Variants in NANS observed in about 807,000 individuals in gnomAD.
The protein encoded by NANS is N-acetylneuraminate-9-phosphate synthase.
NANS carries 29 observed loss-of-function variants against 33.3 expected under a neutral mutation model. That is an observed-to-expected ratio of 0.87 (90% CI 0.65 to 1.19). NANS has a LOEUF of 1.19. NANS is among the 50% of genes most tolerant of loss of function. The pLI, the probability that NANS is intolerant of heterozygous loss-of-function variation, is 0.00. For missense variants in NANS, 394 were observed against 461.1 expected, an observed-to-expected ratio of 0.85 and a Z score of 1.33; for synonymous variants, 163 against 177.2, an observed-to-expected ratio of 0.92 and a Z score of 0.64.
At chr9:98,081,356 C>CCATG in intron 5 of NANS, 1 of 473,424 alleles carries the variant, frequency 2.1e-6, no homozygotes, top group Non-Finnish European at 3.8e-6. Flanking sequence ...TCTCTGAAGC[C>CCATG]CATGGCCCCA....
At chr9:98,081,170 C>T in intron 5 of NANS, 88 bp downstream of exon 5, 1 of 1,540,394 alleles carries the variant, frequency 6.5e-7, no homozygotes, top group African/African-American at 1.4e-5. Context: ...GACCAGCCCT[C>T]CCTGAGCCAG....
In NANS at chr9:98,076,972, G is replaced by A; in HGVS notation, c.403G>A (p.Gly135Arg). The A allele has an allele frequency of 6.2e-7, 1 of 1,611,454 alleles. No individual in the cohort carries two copies. The highest frequency in any genetic ancestry group is 1.1e-5 in the South Asian group (1 of 90,090). The change falls in exon 3 of 6, where the codon GGA (glycine) becomes AGA (arginine). Residue 135 changes from glycine to arginine, a missense_variant. Physicochemically the swap from Gly to Arg is moderately radical, Grantham distance 125. Coordinates refer to ENST00000210444, the MANE Select transcript of NANS (RefSeq NM_018946.4). ...TGTTCCATTTTTCAAAGTTGGATCT[G>A]GAGACACTAATAATTTTCCTTATCT... ...LNVPFFKVGS[G>R]DTNNFPYLEK...
At chr9:98,082,218 A>G (rs144512600) in intron 5 of NANS, 1 of 152,240 alleles carries the variant, frequency 6.6e-6, no homozygotes, top group Non-Finnish European at 1.5e-5. Context: ...CCATCTGCAT[A>G]ACAGCCACAT....
chr9:98,060,727 C>G, intron 1 of NANS, 55 bp from the exon 2 acceptor site: 1 of 1,541,862 alleles, frequency 6.5e-7, no homozygotes, highest in South Asian at 1.1e-5. Context: ...AGAATTTTTT[C>G]CTTTTTTTGA....
chr9:98,059,948 GGATGTTCCTGTCCCTGA>G (rs1828929791), intron 1 of NANS, among the ~76,000 whole-genome samples: 1 of 152,144 alleles, frequency 6.6e-6, no homozygotes, highest in South Asian at 2.1e-4. Flanking sequence ...CACTGTCCCT[GGATGTTCCTGTCCCTGA>G]GAGGGCCTCA....
chr9:98,078,832 G>GT, intron 4 of NANS, among the ~76,000 whole-genome samples: 2 of 97,470 alleles, frequency 2.1e-5, no homozygotes, highest in Middle Eastern at 8.7e-3. Flanking sequence ...GAGACTCTCA[G>GT]GGGGAAAAAA....
At chr9:98,078,446 T>G in intron 4 of NANS, 99 bp downstream of exon 4, 1 of 1,405,018 alleles carries the variant, frequency 7.1e-7, no homozygotes. Flanking sequence ...GCATACTTTA[T>G]AATTTGAACA....
rs1829686780 is a variant in NANS at position 98,078,331 on chromosome 9, A to C, written c.587A>C (p.Asn196Thr). Residue 196 changes from asparagine (N) to threonine (T), a missense_variant, in exon 4 of 6, where the codon AAC becomes ACC. By Grantham distance (65) the Asn-to-Thr change is moderately conservative (BLOSUM62 0). Coordinates refer to ENST00000210444, the MANE Select transcript of NANS (RefSeq NM_018946.4). ...TACCCGCTCCAGCCTGAGGACGTCA[A>C]CCTGCGGGTCATCTCGGTGAGCAGG... ...SAYPLQPEDV[N>T]LRVISEYQKL... The C allele has an allele frequency of 2.5e-6, 4 of 1,612,190 alleles. No homozygotes were observed. The highest frequency in any genetic ancestry group is 2.2e-5 in the East Asian group (1 of 44,822).
At chr9:98,079,478 A>G (rs1829752232) in intron 4 of NANS, among the ~76,000 whole-genome samples, 1 of 152,174 alleles carries the variant, frequency 6.6e-6, no homozygotes, top group African/African-American at 2.4e-5. Context: ...TTAACTTAAA[A>G]AGTTAGCCTT....
intron 2 of NANS, among the ~76,000 whole-genome samples, chr9:98,067,506 G>T (rs187000127): frequency 6.6e-6 from 1 of 152,152 alleles, no homozygotes; most frequent in Non-Finnish European, 1.5e-5. Context: ...TCATGTGTCT[G>T]TTGGTCATCT....
intron 2 of NANS, chr9:98,076,302 C>G (rs1829588311): frequency 2.6e-5 from 4 of 152,136 alleles, no homozygotes; most frequent in Admixed American, 2.6e-4. Context: ...AGGTCATGAC[C>G]GTTTCATGTT....
In NANS at chr9:98,061,243, G is replaced by A; in HGVS notation, c.348+246G>A. ...TGTAATCCCGGCACTTTGGGAGACT[G>A]AGGGGGATGGATCACCTGAGGTCAG... On this transcript the variant is annotated intron_variant, in intron 2 of 5. Transcript: ENST00000210444. 6.4e-6 allele frequency: 3 copies of A among 469,038 alleles called. No individual in the cohort carries two copies. The South Asian group carries it at 7.2e-5, about 11-fold the overall frequency. 29.1% of individuals were successfully genotyped at this position (469,038 alleles called of 1,614,324 possible).
At chr9:98,073,140 C>T (rs1829418331) in intron 2 of NANS, among the ~76,000 whole-genome samples, 2 of 152,154 alleles carry the variant, frequency 1.3e-5, no homozygotes, top group South Asian at 2.1e-4. Flanking sequence ...CAAAGCCGCC[C>T]TTCCCTCCAG....
intron 2 of NANS, among the ~76,000 whole-genome samples, chr9:98,064,398 C>T (rs1362364876): frequency 1.3e-5 from 2 of 152,004 alleles, no homozygotes; most frequent in Admixed American, 6.6e-5. Flanking sequence ...GGATTACAGG[C>T]GCCTGCCACC....
At position 98,060,773 on chromosome 9, in the gene NANS, GTGT is replaced by G; in HGVS notation, c.133-5_133-3del. 6.2e-7 allele frequency: 1 copy of G among 1,613,546 alleles called. No homozygotes were observed. Among genetic ancestry groups the G allele is most frequent in the Non-Finnish European group, 8.5e-7 (1 of 1,179,434 alleles). ...CAGTCACTGAAAGATGTCCTAATGT[GTGT>G]TGTAGGAGTGTGGGGCTGATTGTGC... On this transcript the variant is annotated splice_polypyrimidine_tract_variant and splice_region_variant and intron_variant, in intron 1 of 5. Transcript: ENST00000210444.
At chr9:98,057,788 A>C (rs546644282) in intron 1 of NANS, among the ~76,000 whole-genome samples, 22 of 151,116 alleles carry the variant, frequency 1.5e-4, no homozygotes, top group African/African-American at 4.6e-4. Flanking sequence ...CATCAATGCT[A>C]CTCAACTGAT....
At chr9:98,064,237 A>T (rs570591178) in intron 2 of NANS, among the ~76,000 whole-genome samples, 47 of 152,250 alleles carry the variant, frequency 3.1e-4, no homozygotes, top group African/African-American at 9.9e-4. Context: ...GCAGTTGTGT[A>T]CTTAACAATC....
chr9:98,078,436 G>A (rs548925790), intron 4 of NANS, 89 bp downstream of exon 4: 2 of 1,453,090 alleles, frequency 1.4e-6, no homozygotes, highest in South Asian at 1.3e-5. Context: ...AACAAACATG[G>A]CATACTTTAT....
chr9:98,080,027 A>G (rs1387038770), intron 4 of NANS, among the ~76,000 whole-genome samples: 2 of 152,180 alleles, frequency 1.3e-5, no homozygotes, highest in Non-Finnish European at 2.9e-5. Flanking sequence ...CAGCCTGGCC[A>G]ATGTGGCGAA....
Sources: allele counts gnomAD v4.1 joint callset (sites outside exome capture counted in the v4.1 genomes callset), GRCh38; gene constraint gnomAD v4.1.1; transcripts MANE v1.5; gene names NCBI Gene and HGNC (gene_info 2026-07-23, HGNC 2026-07-21).